LYPLA1: variants seen among roughly 807,000 people sequenced by gnomAD.
LYPLA1 encodes acyl-protein thioesterase 1.
A neutral mutation model predicts 34.0 loss-of-function variants in LYPLA1; 17 were observed. The observed-to-expected ratio is 0.50, with a 90% confidence interval of 0.34 to 0.75. The LOEUF is 0.75. Ranked by LOEUF, LYPLA1 falls within the 30% of genes least tolerant of loss-of-function variation. The pLI, the probability that LYPLA1 is intolerant of heterozygous loss-of-function variation, is 0.01. For synonymous variants in LYPLA1, 98 were observed against 100.8 expected (o/e 0.97, Z 0.17); for missense variants, 203 against 288.8 (o/e 0.70, Z 2.15).
At chr8:54,065,988 G>A (rs1330105682) in intron 2 of LYPLA1, among the ~76,000 whole-genome samples, 175 bp from the exon 3 acceptor site, 2 of 152,142 alleles carry the variant, frequency 1.3e-5, no homozygotes, top group Non-Finnish European at 2.9e-5. Flanking sequence ...CCAGGCTGGA[G>A]TACAGTGGCG....
intron 8 of LYPLA1, among the ~76,000 whole-genome samples, chr8:54,049,093 T>G (rs1805667839): frequency 6.6e-6 from 1 of 152,168 alleles, no homozygotes; most frequent in South Asian, 2.1e-4. Flanking sequence ...ATACTCTATA[T>G]CAGTAGGAGA....
rs1271423519 is a variant in LYPLA1, at chr8:54,047,574, TTATG to T, written c.*487_*490del. 7.0e-6 allele frequency: 1 copy of T among 142,968 alleles called. No homozygotes were observed. Among genetic ancestry groups the T allele is most frequent in the Non-Finnish European group, 1.6e-5 (1 of 61,814 alleles). 8.9% of individuals were successfully genotyped at this position (142,968 alleles called of 1,614,324 possible). A position where few individuals can be genotyped will look rare whatever the true frequency, so the allele number is the denominator to read the frequency against. On this transcript the variant is annotated 3_prime_UTR_variant, in exon 9 of 9. Coordinates refer to ENST00000316963, the MANE Select transcript of LYPLA1 (RefSeq NM_006330.4). Reference sequence around the variant, plus strand: ...ATAATGTAATACCACCTCATTCTTATTATGTATTATAATCATTATGTATATATGA... The same window carrying T: ...ATAATGTAATACCACCTCATTCTTATTATTATAATCATTATGTATATATGA...
intron 8 of LYPLA1, among the ~76,000 whole-genome samples, chr8:54,050,625 A>G (rs555395459): frequency 4.6e-5 from 7 of 152,262 alleles, no homozygotes; most frequent in Non-Finnish European, 8.8e-5. Context: ...GCCTCCTAAG[A>G]TAAAATTAAT....
intron 2 of LYPLA1, among the ~76,000 whole-genome samples, chr8:54,067,503 G>A (rs1367956669): frequency 6.6e-6 from 1 of 152,016 alleles, no homozygotes; most frequent in Non-Finnish European, 1.5e-5. Context: ...ATTTCCTTCT[G>A]ATTTTTCCCA....
intron 2 of LYPLA1, among the ~76,000 whole-genome samples, chr8:54,085,366 C>A (rs1808635509): frequency 6.6e-6 from 1 of 152,262 alleles, no homozygotes; most frequent in African/African-American, 2.4e-5. Context: ...CCTGCCTTGG[C>A]CTCCCAAAGT....
At chr8:54,077,659 A>T (rs936885241) in intron 2 of LYPLA1, among the ~76,000 whole-genome samples, 20 of 152,086 alleles carry the variant, frequency 1.3e-4, no homozygotes, top group Admixed American at 6.6e-5. Flanking sequence ...AATAAATAAA[A>T]AGTTTATTCT....
intron 2 of LYPLA1, among the ~76,000 whole-genome samples, chr8:54,084,146 A>T (rs983075226): frequency 1.1e-4 from 15 of 138,676 alleles, no homozygotes; most frequent in African/African-American, 4.1e-4. Flanking sequence ...AAATAAATAT[A>T]TATATATATA....
intron 8 of LYPLA1, 140 bp from the exon 9 acceptor site, chr8:54,048,258 G>C (rs1249416573): frequency 1.7e-6 from 1 of 597,926 alleles, no homozygotes; most frequent in East Asian, 2.8e-5. Context: ...AGACAAAAGA[G>C]AAATGAGGCT....
chr8:54,087,623 T>C (rs1808903066), intron 2 of LYPLA1, among the ~76,000 whole-genome samples: 1 of 152,230 alleles, frequency 6.6e-6, no homozygotes, highest in African/African-American at 2.4e-5. Context: ...ATGTATCTGA[T>C]AGGAGTCTAG....
At chr8:54,084,124 G>GGAAAAAAAAAA (rs1554547911) in intron 2 of LYPLA1, among the ~76,000 whole-genome samples, 1 of 56,382 alleles carries the variant, frequency 1.8e-5, no homozygotes, top group Non-Finnish European at 3.3e-5. Context: ...GGAGACCAAA[G>GGAAAAAAAAAA]AAAAAAAAAA....
intron 5 of LYPLA1, among the ~76,000 whole-genome samples, chr8:54,055,448 A>G (rs1806141157): frequency 6.6e-6 from 1 of 152,096 alleles, no homozygotes; most frequent in Non-Finnish European, 1.5e-5. Context: ...AGAGGACACC[A>G]AAAAATGGAA....
At chr8:54,101,149 G>T (rs568562214) in intron 1 of LYPLA1, among the ~76,000 whole-genome samples, 1 of 151,376 alleles carries the variant, frequency 6.6e-6, no homozygotes, top group Admixed American at 6.6e-5. Flanking sequence ...AATGAATGGG[G>T]GGGGGGTAGC....
chr8:54,048,481 C>A (rs959293983), intron 8 of LYPLA1, among the ~76,000 whole-genome samples: 1 of 152,138 alleles, frequency 6.6e-6, no homozygotes, highest in Non-Finnish European at 1.5e-5. Context: ...GAGCTTCTAC[C>A]ATTCTTCAAA....
intron 2 of LYPLA1, among the ~76,000 whole-genome samples, chr8:54,099,015 T>C (rs954153966): frequency 1.4e-4 from 21 of 152,192 alleles, no homozygotes; most frequent in Non-Finnish European, 1.9e-4. Context: ...TTTTTTAATA[T>C]AAACTTAACT....
At chr8:54,050,989 G>T in intron 8 of LYPLA1, 23 bp downstream of exon 8, 1 of 1,567,250 alleles carries the variant, frequency 6.4e-7, no homozygotes. Context: ...ATATGGCGCT[G>T]ATCACTGCTT....
intron 2 of LYPLA1, among the ~76,000 whole-genome samples, chr8:54,096,133 G>A (rs755428871): frequency 2.0e-5 from 3 of 152,162 alleles, no homozygotes; most frequent in Non-Finnish European, 4.4e-5. Context: ...GAGGCAACAC[G>A]CCTGCAACTT....
At chr8:54,073,544 G>C (rs1290799684) in intron 2 of LYPLA1, 1 of 647,538 alleles carries the variant, frequency 1.5e-6, no homozygotes, top group Non-Finnish European at 2.8e-6. Flanking sequence ...GCTGGCATCT[G>C]CTTTTCTATA....
At chr8:54,097,241 A>G (rs1031510703) in intron 2 of LYPLA1, among the ~76,000 whole-genome samples, 3 of 152,236 alleles carry the variant, frequency 2.0e-5, no homozygotes, top group African/African-American at 7.2e-5. Flanking sequence ...ACTCAGCATC[A>G]TTAGTCTACT....
intron 2 of LYPLA1, among the ~76,000 whole-genome samples, chr8:54,083,438 A>T (rs1304987027): frequency 6.6e-6 from 1 of 152,238 alleles, no homozygotes; most frequent in Non-Finnish European, 1.5e-5. Flanking sequence ...GGCTAAATTT[A>T]TGATTTTTTG....
Sources: allele counts gnomAD v4.1 joint callset (sites outside exome capture counted in the v4.1 genomes callset), GRCh38; gene constraint gnomAD v4.1.1; transcripts MANE v1.5; gene names NCBI Gene and HGNC (gene_info 2026-07-23, HGNC 2026-07-21).